The following SEM1 variants were observed in gnomAD, a reference collection of about 807,000 sequenced individuals.
The protein encoded by SEM1 is SEM1 26S proteasome subunit.
In SEM1, 3 loss-of-function variants were observed where a neutral mutation model predicts 12.7. That is an observed-to-expected ratio of 0.24 (90% CI 0.11 to 0.61). The LOEUF (loss-of-function observed/expected upper bound fraction) is 0.61, where lower values mean the gene tolerates loss of function less well. Among genes scored for constraint, SEM1 ranks in the 20% least tolerant of loss-of-function variants. The pLI, the probability that SEM1 is intolerant of heterozygous loss-of-function variation, is 0.88. For missense variants in SEM1, 59 were observed against 81.3 expected (o/e 0.73, Z 1.06); for synonymous variants, 30 against 27.8 (o/e 1.08, Z -0.25).
chr7:96,549,397 C>A (rs146572137), intron 2 of SEM1, among the ~76,000 whole-genome samples: 218 of 152,294 alleles, frequency 1.4e-3, no homozygotes, highest in African/African-American at 5.1e-3. Context: ...TTTTAGGGCA[C>A]TTTCGTGATC....
chr7:96,654,864 A>T (rs937248371), intron 2 of SEM1, among the ~76,000 whole-genome samples: 2 of 152,020 alleles, frequency 1.3e-5, no homozygotes, highest in African/African-American at 2.4e-5. Flanking sequence ...TGTGATCTGG[A>T]TTTGAGGTCC....
At chr7:96,635,923 AAAG>A (rs1322874939) in intron 2 of SEM1, among the ~76,000 whole-genome samples, 1 of 152,124 alleles carries the variant, frequency 6.6e-6, no homozygotes, top group Non-Finnish European at 1.5e-5. Flanking sequence ...TTTAGGAAAA[AAAG>A]AAAGTAATAC....
At chr7:96,695,768 C>G (rs1293110184) in intron 1 of SEM1, 3 of 151,968 alleles carry the variant, frequency 2.0e-5, no homozygotes, top group Non-Finnish European at 2.9e-5. Context: ...AGATTCTACT[C>G]AGCTTGAACC....
At chr7:96,589,854 G>A (rs1270511171) in intron 2 of SEM1, among the ~76,000 whole-genome samples, 3 of 152,024 alleles carry the variant, frequency 2.0e-5, no homozygotes, top group Non-Finnish European at 1.5e-5. Flanking sequence ...TTCTCATAAG[G>A]CTTCACTAGT....
intron 2 of SEM1, among the ~76,000 whole-genome samples, chr7:96,548,802 T>C (rs1425821067): frequency 6.6e-6 from 1 of 152,162 alleles, no homozygotes; most frequent in African/African-American, 2.4e-5. Context: ...TCAACAAATA[T>C]TTGTTGAGCT....
chr7:96,593,594 T>G (rs2116149250), intron 2 of SEM1, among the ~76,000 whole-genome samples: 1 of 152,296 alleles, frequency 6.6e-6, no homozygotes, highest in South Asian at 2.1e-4. Flanking sequence ...TAGAAATAGA[T>G]TAAGACCTCC....
intron 2 of SEM1, among the ~76,000 whole-genome samples, chr7:96,507,255 A>G (rs1248301124): frequency 6.6e-6 from 1 of 152,138 alleles, no homozygotes; most frequent in East Asian, 1.9e-4. Context: ...GTATATATCC[A>G]TATAGTTGAG....
intron 1 of SEM1, among the ~76,000 whole-genome samples, chr7:96,706,023 A>C (rs1790444321): frequency 6.6e-6 from 1 of 152,110 alleles, no homozygotes; most frequent in Non-Finnish European, 1.5e-5. Context: ...CTTCCTAATA[A>C]AGGCTGTTCT....
At chr7:96,532,457 A>G (rs1269576663) in intron 2 of SEM1, among the ~76,000 whole-genome samples, 2 of 152,128 alleles carry the variant, frequency 1.3e-5, no homozygotes, top group Non-Finnish European at 2.9e-5. Flanking sequence ...TTACTATGAG[A>G]ATTTGAGTGC....
At chr7:96,503,544 A>C (rs970171702) in intron 3 of SEM1, 2 of 152,116 alleles carry the variant, frequency 1.3e-5, no homozygotes, top group African/African-American at 4.8e-5. Flanking sequence ...GAGACGAATA[A>C]ATCATTGAGA....
chr7:96,514,618 G>A (rs149995798), intron 2 of SEM1, among the ~76,000 whole-genome samples: 127 of 152,058 alleles, frequency 8.4e-4, no homozygotes, highest in Middle Eastern at 3.4e-3. Context: ...TACCAGCAAC[G>A]AACAAGTAAA....
chr7:96,533,797 G>T (rs1353026686), intron 2 of SEM1, among the ~76,000 whole-genome samples: 1 of 151,924 alleles, frequency 6.6e-6, no homozygotes, highest in African/African-American at 2.4e-5. Context: ...TGAACTGATG[G>T]TTCAAAAGCA....
At position 96,625,305 on chromosome 7, in the gene SEM1, A is replaced by G. The variant is rs147812872; in HGVS notation, c.171-2662T>C. Among the ~76,000 whole-genome samples the G allele has an allele frequency of 6.0e-4, 92 of 152,298 alleles. 1 individual carries two copies. In the East Asian group the frequency reaches 7.5e-3, roughly 12 times the overall value. ...GCATGAAGGCTTTCACTTGCCTCAC[A>G]TCTCACTTAGCATCATATTTCCCCT... On this transcript the variant is annotated intron_variant, in intron 2 of 2. Coordinates refer to the SEM1 transcript ENST00000417009.
chr7:96,645,568 C>A, intron 2 of SEM1: 1 of 393,392 alleles, frequency 2.5e-6, no homozygotes, highest in Non-Finnish European at 4.5e-6. Flanking sequence ...GAAAGAGAGA[C>A]CGGAGCATGC....
intron 2 of SEM1, among the ~76,000 whole-genome samples, chr7:96,691,461 A>G (rs1217618487): frequency 6.6e-6 from 1 of 152,222 alleles, no homozygotes; most frequent in African/African-American, 2.4e-5. Flanking sequence ...CCCAAGGTTC[A>G]TATGGCTAAA....
intron 1 of SEM1, among the ~76,000 whole-genome samples, chr7:96,702,249 C>A (rs1584874029): frequency 2.0e-5 from 3 of 151,334 alleles, no homozygotes; most frequent in East Asian, 3.9e-4. Context: ...TGGTTTTATA[C>A]ATACACACAC....
rs564967487 is a variant in SEM1 at position 96,511,024 on chromosome 7, G to A, written c.171-4326C>T. Among the ~76,000 whole-genome samples, 14 of 152,226 alleles carry A rather than the reference G, an allele frequency of 9.2e-5. No homozygotes were observed. The East Asian group carries it at 2.7e-3, about 29-fold the overall frequency. Reference sequence around the variant, plus strand: ...CAGCCACTGGAACCACCATCAGTCTGGGTTTGATGTAGGCTGAGGAAGGCT... The same window carrying A: ...CAGCCACTGGAACCACCATCAGTCTAGGTTTGATGTAGGCTGAGGAAGGCT... On this transcript the variant is annotated intron_variant and NMD_transcript_variant, in intron 2 of 3. Coordinates refer to the SEM1 transcript ENST00000466986.
chr7:96,547,515 G>A (rs1445741975), intron 2 of SEM1, among the ~76,000 whole-genome samples: 2 of 152,164 alleles, frequency 1.3e-5, no homozygotes, highest in Non-Finnish European at 2.9e-5. Flanking sequence ...AAAAAATGCA[G>A]GTGTGGGTTT....
At chr7:96,539,238 T>A (rs1369818562) in intron 2 of SEM1, among the ~76,000 whole-genome samples, 1 of 151,734 alleles carries the variant, frequency 6.6e-6, no homozygotes, top group Non-Finnish European at 1.5e-5. Flanking sequence ...GATTATAGAT[T>A]TTTGAAAGAG....
Sources: allele counts gnomAD v4.1 joint callset (sites outside exome capture counted in the v4.1 genomes callset), GRCh38; gene constraint gnomAD v4.1.1; transcripts MANE v1.5; gene names NCBI Gene and HGNC (gene_info 2026-07-23, HGNC 2026-07-21).